LINC00632: variants seen among roughly 807,000 people sequenced by gnomAD.
LINC00632 encodes long independently transcribed non-coding RNA 632, also known as ALDOA related specific transcript.
At chrX:140,748,581 G>T (rs1931362587) in intron 3 of LINC00632, among the ~76,000 whole-genome samples, 2 of 110,426 alleles carry the variant, frequency 1.8e-5, no homozygotes, top group African/African-American at 6.6e-5. Flanking sequence ...GTACCCCATT[G>T]CTATCTACCA....
chrX:140,723,632 C>CACACACACATTCCAT (rs1485622944), intron 2 of LINC00632, among the ~76,000 whole-genome samples: 439 of 40,603 alleles, frequency 0.011, 2 homozygotes, highest in Non-Finnish European at 0.017. Context: ...ACATTCCATA[C>CACACACACATTCCAT]ACACACACAT....
chrX:140,716,117 A>G (rs777872237), intron 2 of LINC00632: 3 of 111,979 alleles, frequency 2.7e-5, no homozygotes, highest in African/African-American at 3.2e-5. Context: ...TACTCCTACA[A>G]TGTAAAGATT....
At chrX:140,766,387 T>C (rs1214248804) in intron 3 of LINC00632, among the ~76,000 whole-genome samples, 1 of 112,231 alleles carries the variant, frequency 8.9e-6, no homozygotes, top group Non-Finnish European at 1.9e-5. Flanking sequence ...TGTTAACCCA[T>C]TGAACCATAG....
At chrX:140,743,387 C>T (rs1057436412) in intron 3 of LINC00632, among the ~76,000 whole-genome samples, 19 of 109,790 alleles carry the variant, frequency 1.7e-4, no homozygotes, top group African/African-American at 5.7e-4. Context: ...CACTTGGAAT[C>T]AGGGCTTAAG....
chrX:140,759,799 C>A (rs918246455), intron 3 of LINC00632, among the ~76,000 whole-genome samples: 1 of 111,570 alleles, frequency 9.0e-6, no homozygotes, highest in African/African-American at 3.3e-5. Flanking sequence ...GGAGATACCC[C>A]TAAGACATAG....
chrX:140,726,075 T>C (rs1250571387), intron 2 of LINC00632, among the ~76,000 whole-genome samples: 1 of 110,188 alleles, frequency 9.1e-6, no homozygotes, highest in African/African-American at 3.3e-5. Flanking sequence ...CACAAACTTT[T>C]TCTACACTGC....
exon 5 of LINC00632, chrX:140,784,307 A>T: frequency 8.4e-7 from 1 of 1,193,669 alleles, no homozygotes; most frequent in Non-Finnish European, 1.1e-6. Flanking sequence ...CTTCCAACAA[A>T]GGTATGTCTT....
At chrX:140,785,562 A>G (rs1347716430) in exon 5 of LINC00632, among the ~76,000 whole-genome samples, 1 of 112,481 alleles carries the variant, frequency 8.9e-6, no homozygotes, top group African/African-American at 3.2e-5. Context: ...AATCCCGTAT[A>G]CAAATGGTCT....
chrX:140,734,603 T>A (rs142854594), intron 3 of LINC00632, among the ~76,000 whole-genome samples: 2,776 of 110,207 alleles, frequency 0.025, 62 homozygotes, highest in Admixed American at 0.1. Flanking sequence ...GCAAAAAGCA[T>A]ACAAGAATTG....
At chrX:140,714,149 C>G (rs1319145223) in intron 2 of LINC00632, 2 of 173,295 alleles carry the variant, frequency 1.2e-5, no homozygotes, top group Non-Finnish European at 2.2e-5. Flanking sequence ...ATGAAACAGA[C>G]TTTCCCGAGA....
chrX:140,717,268 A>G (rs928502107), intron 2 of LINC00632, among the ~76,000 whole-genome samples: 2 of 110,453 alleles, frequency 1.8e-5, no homozygotes, highest in Non-Finnish European at 3.8e-5. Context: ...GGCGTGAGCG[A>G]CCGCCCCTGG....
intron 3 of LINC00632, among the ~76,000 whole-genome samples, chrX:140,748,116 C>A (rs976412780): frequency 9.8e-5 from 11 of 111,982 alleles, no homozygotes; most frequent in African/African-American, 3.2e-4. Flanking sequence ...GTGTGAGCCA[C>A]CATGCCTGGC....
chrX:140,782,031 A>T (rs756051906), exon 5 of LINC00632, among the ~76,000 whole-genome samples: 2 of 112,201 alleles, frequency 1.8e-5, no homozygotes, highest in Non-Finnish European at 3.8e-5. Context: ...GTTCATTGAG[A>T]CTATGAAGAT....
At chrX:140,716,333 A>G (rs1930627569) in intron 2 of LINC00632, 1 of 111,900 alleles carries the variant, frequency 8.9e-6, no homozygotes, top group African/African-American at 3.2e-5. Flanking sequence ...ACTGTAAAAC[A>G]AAGATAAGAG....
chrX:140,780,896 C>G (rs140013227), exon 5 of LINC00632, among the ~76,000 whole-genome samples: 1 of 110,791 alleles, frequency 9.0e-6, no homozygotes, highest in African/African-American at 3.3e-5. Flanking sequence ...ATTAGCCTCA[C>G]ATCCCAACCC....
At chrX:140,769,970 T>C (rs1357787620) in intron 3 of LINC00632, among the ~76,000 whole-genome samples, 2 of 111,729 alleles carry the variant, frequency 1.8e-5, no homozygotes, top group Admixed American at 9.6e-5. Flanking sequence ...TCCCAAATGA[T>C]TAAAACACAG....
rs1347018937 is a variant in LINC00632, at chrX:140,784,711, G to A, written n.12730G>A. The A allele has an allele frequency of 6.2e-5, 14 of 225,417 alleles. No homozygotes were observed. In the East Asian group the frequency reaches 1.2e-3, roughly 19 times the overall value. The allele number at this position is 225,417 out of a possible 1,213,427, so 18.6% of individuals were successfully genotyped here. On this transcript the variant is annotated non_coding_transcript_exon_variant, in exon 5 of 5. Transcript: ENST00000648200. ...ATCTTCCAGCCTTTCCCCAGGTCCA[G>A]GCCTTTTCAAATCTAGGCTTCCCCT...
At chrX:140,723,207 C>G (rs1269786963) in intron 2 of LINC00632, among the ~76,000 whole-genome samples, 1 of 66,079 alleles carries the variant, frequency 1.5e-5, no homozygotes, top group East Asian at 4.7e-4. Context: ...AGTCATACAA[C>G]AAGATCCCTG....
chrX:140,721,314 C>A (rs944281795), intron 2 of LINC00632, among the ~76,000 whole-genome samples: 2 of 111,483 alleles, frequency 1.8e-5, no homozygotes, highest in African/African-American at 6.5e-5. Context: ...CTTGTGACAC[C>A]AGAGCACGCC....
Sources: gnomAD v4.1 joint callset for allele counts (sites outside exome capture counted in the v4.1 genomes callset) on GRCh38, gnomAD v4.1.1 for gene constraint, MANE v1.5 for transcripts, NCBI Gene and HGNC (gene_info 2026-07-23, HGNC 2026-07-21) for gene names.